The following AGAP1 variants were observed in gnomAD, a reference collection of about 807,000 sequenced individuals.
The protein encoded by AGAP1 is arf-GAP with GTPase, ANK repeat and PH domain-containing protein 1.
AGAP1 carries 29 observed loss-of-function variants against 105.3 expected under a neutral mutation model. The observed-to-expected ratio is 0.28, with a 90% CI of 0.21 to 0.38. The LOEUF (loss-of-function observed/expected upper bound fraction) is 0.38, where lower values mean the gene tolerates loss of function less well. Ranked by LOEUF, AGAP1 falls within the 10% of genes least tolerant of loss-of-function variation. The pLI, the probability that AGAP1 is intolerant of heterozygous loss-of-function variation, is 1.00. For synonymous variants in AGAP1, 509 were observed against 485.9 expected (o/e 1.05, Z -0.63); for missense variants, 998 against 1,165.1 (o/e 0.86, Z 2.09).
At position 235,822,546 on chromosome 2, in the gene AGAP1, T is replaced by C. The variant is rs566861083; in HGVS notation, c.1050+15215T>C. Among the ~76,000 whole-genome samples, 110 of 150,650 alleles carry C rather than the reference T, an allele frequency of 7.3e-4. No individual in the cohort carries two copies. In the Middle Eastern group the frequency reaches 0.032, roughly 43 times the overall value. ...AAGAATGAAGAGAAGCTGAAGAAGC[T>C]CAAGGGTGAGGAGGAGCTGGAGAAG... On this transcript the variant is annotated intron_variant, in intron 9 of 17. Transcript: ENST00000304032.
At chr2:235,572,030 C>T (rs1182006237) in intron 1 of AGAP1, among the ~76,000 whole-genome samples, 1 of 131,274 alleles carries the variant, frequency 7.6e-6, no homozygotes, top group African/African-American at 2.9e-5. Flanking sequence ...TGAAGCAGCT[C>T]GTCTTTATTG....
At position 235,797,803 on chromosome 2, in the gene AGAP1, A is replaced by G. The variant is rs1320276333; in HGVS notation, c.718A>G (p.Ile240Val). 4 of 1,614,100 alleles carry G rather than the reference A, an allele frequency of 2.5e-6. No individual in the cohort carries two copies. The highest frequency in any genetic ancestry group is 2.5e-6 in the Non-Finnish European group (3 of 1,180,050). ...VATRKKQQLSIGPCKSLPNSP... is the reference protein window; with the variant it reads ...VATRKKQQLSVGPCKSLPNSP... The stretch of plus-strand genomic sequence containing the variant: ...CACAAGGAAGAAGCAGCAGCTGTCC[A>G]TAGGACCCTGCAAGTCGCTACCTAA... Residue 240 changes from isoleucine (I) to valine (V), a missense_variant, in exon 7 of 18, where the codon ATA becomes GTA. This residue lies in a region of AGAP1 where 735 missense variants were observed against 833.4 expected (regional missense o/e 0.88). Coordinates refer to ENST00000304032, the MANE Select transcript of AGAP1 (RefSeq NM_001037131.3).
Position 236,061,705 on chromosome 2 carries a change from G to A in AGAP1, c.2114+12424G>A, listed in dbSNP as rs1357940094. Among the ~76,000 whole-genome samples the A allele has an allele frequency of 1.3e-5, 2 of 152,060 alleles. No homozygotes were observed. Among genetic ancestry groups the A allele is most frequent in the South Asian group, 2.1e-4 (1 of 4,798 alleles). On this transcript the variant is annotated intron_variant, in intron 16 of 17. Coordinates refer to ENST00000304032, the MANE Select transcript of AGAP1 (RefSeq NM_001037131.3). The surrounding 1 kb of genome is among the most constrained non-coding windows in gnomAD (Gnocchi z 4.1). The stretch of plus-strand genomic sequence containing the variant: ...CTTGCCAGGTGCAGGGGAGGGAGGG[G>A]CAGTGGCGTATACGGAGTGATTGCC...
intron 10 of AGAP1, among the ~76,000 whole-genome samples, chr2:235,899,464 G>T (rs1415904313): frequency 6.6e-6 from 1 of 152,222 alleles, no homozygotes; most frequent in East Asian, 1.9e-4. Flanking sequence ...AGTGAACCAA[G>T]ATCATGCCAC....
Position 235,953,031 on chromosome 2 carries a change from C to A in AGAP1, c.1484-15431C>A, listed in dbSNP as rs1354481840. Among the ~76,000 whole-genome samples, 1 of 152,140 alleles carries A rather than the reference C, an allele frequency of 6.6e-6. No individual in the cohort carries two copies. The highest frequency in any genetic ancestry group is 2.4e-5 in the African/African-American group (1 of 41,424). On this transcript the variant is annotated intron_variant, in intron 12 of 17. Coordinates refer to ENST00000304032, the MANE Select transcript of AGAP1 (RefSeq NM_001037131.3). The surrounding 1 kb of genome is among the most constrained non-coding windows in gnomAD (Gnocchi z 5.2). ...CTTTCAAGTGGCTGGGCCTTCTGTA[C>A]GAGGCACCTGACACCACGATGCTAT...
intron 1 of AGAP1, among the ~76,000 whole-genome samples, chr2:235,606,822 G>A (rs1169863137): frequency 1.3e-5 from 2 of 151,906 alleles, no homozygotes; most frequent in Non-Finnish European, 1.5e-5. Context: ...GGTGGCGCAC[G>A]CCTGCAGTCC....
rs539340792 is a variant in AGAP1, at chr2:235,714,093, A to G, written c.223-3464A>G. On this transcript the variant is annotated intron_variant, in intron 2 of 17. Coordinates refer to ENST00000304032, the MANE Select transcript of AGAP1 (RefSeq NM_001037131.3). The surrounding 1 kb of genome is among the most constrained non-coding windows in gnomAD (Gnocchi z 4.1). Reference sequence around the variant, plus strand: ...CGGTGGTGCAATCTCAGCTCACTGCAACCTCTGCCTCCCGGGTTCAAGTGA... The same window carrying G: ...CGGTGGTGCAATCTCAGCTCACTGCGACCTCTGCCTCCCGGGTTCAAGTGA... 1.3e-5 allele frequency among the ~76,000 whole-genome samples: 2 copies of G among 152,200 alleles called. No homozygotes were observed. The highest frequency in any genetic ancestry group is 2.4e-5 in the African/African-American group (1 of 41,538).
At chr2:235,796,998 TATTG>T (rs1185619526) in intron 6 of AGAP1, among the ~76,000 whole-genome samples, 15 of 152,344 alleles carry the variant, frequency 9.8e-5, no homozygotes, top group African/African-American at 3.6e-4. Flanking sequence ...TTTAGATTTG[TATTG>T]ATTAAGATAA....
At chr2:235,932,369 A>G (rs1469917295) in intron 12 of AGAP1, among the ~76,000 whole-genome samples, 2 of 152,252 alleles carry the variant, frequency 1.3e-5, no homozygotes, top group African/African-American at 2.4e-5. Flanking sequence ...CTGAAGAACC[A>G]CTGTTAATCA....
intron 9 of AGAP1, among the ~76,000 whole-genome samples, chr2:235,835,292 C>T (rs892066746): frequency 4.6e-5 from 7 of 152,198 alleles, no homozygotes; most frequent in African/African-American, 1.7e-4. Context: ...AGCCTGTACA[C>T]CCCAACCCTG....
At chr2:235,643,063 C>A (rs929466339) in intron 1 of AGAP1, among the ~76,000 whole-genome samples, 1 of 152,138 alleles carries the variant, frequency 6.6e-6, no homozygotes, top group Non-Finnish European at 1.5e-5. Flanking sequence ...CAGCTCCTTC[C>A]CCCTTTTTTC....
intron 1 of AGAP1, among the ~76,000 whole-genome samples, chr2:235,589,153 A>AAGGAGATTT (rs1252710227): frequency 6.7e-6 from 1 of 149,768 alleles, no homozygotes; most frequent in African/African-American, 2.5e-5. Flanking sequence ...GCTGGTAGAA[A>AAGGAGATTT]AGGAGATTTT....
intron 11 of AGAP1, among the ~76,000 whole-genome samples, chr2:235,924,826 C>G (rs2052366987): frequency 6.6e-6 from 1 of 152,220 alleles, no homozygotes; most frequent in Non-Finnish European, 1.5e-5. Context: ...CTGTCCCAGA[C>G]AGCAAACAGA....
intron 1 of AGAP1, among the ~76,000 whole-genome samples, chr2:235,672,856 G>T (rs1047687380): frequency 6.6e-6 from 1 of 152,200 alleles, no homozygotes; most frequent in African/African-American, 2.4e-5. Context: ...ATTGATAGTA[G>T]ATTTGGAGTA....
At chr2:235,584,576 G>A (rs577555010) in intron 1 of AGAP1, among the ~76,000 whole-genome samples, 23 of 151,622 alleles carry the variant, frequency 1.5e-4, no homozygotes, top group Non-Finnish European at 2.9e-4. Context: ...GGCAAAGGTC[G>A]GAGCAAGCTG....
In AGAP1 at chr2:235,615,036, T is replaced by A. The variant is rs984319431; in HGVS notation, c.164-94143T>A. On this transcript the variant is annotated intron_variant, in intron 1 of 17. Coordinates refer to ENST00000304032, the MANE Select transcript of AGAP1 (RefSeq NM_001037131.3). This position sits in a 1 kb window ranked among gnomAD's most constrained non-coding sequence, Gnocchi z 5.0. ...GTGAGTGGTTTTCCTGGCGGTGTGG[T>A]TTTTTAAAATTTCTAATAAAATGCA... Among the ~76,000 whole-genome samples, 2 of 152,148 alleles carry A rather than the reference T, an allele frequency of 1.3e-5. No individual in the cohort carries two copies. The highest frequency in any genetic ancestry group is 6.5e-5 in the Admixed American group (1 of 15,282).
rs913921332 is a variant in AGAP1, at chr2:235,510,608, T to C, written c.163+15759T>C. 3.9e-5 allele frequency among the ~76,000 whole-genome samples: 6 copies of C among 152,280 alleles called. No homozygotes were observed. In the East Asian group the frequency reaches 1.2e-3, roughly 29 times the overall value. ...ATGTGCTGGGTATATAATTAACTTT[T>C]ATGTAAACTGCCTGCTGTTTTCCAA... On this transcript the variant is annotated intron_variant, in intron 1 of 17. Coordinates refer to ENST00000304032, the MANE Select transcript of AGAP1 (RefSeq NM_001037131.3).
In AGAP1 at chr2:235,494,524, G is replaced by C. The variant is rs1941218466; in HGVS notation, c.-163G>C. 1 of 144,682 alleles carries C rather than the reference G, an allele frequency of 6.9e-6. No individual in the cohort carries two copies. Among genetic ancestry groups the C allele is most frequent in the Admixed American group, 6.9e-5 (1 of 14,488 alleles). 9.0% of individuals were successfully genotyped at this position (144,682 alleles called of 1,614,324 possible). A position where few individuals can be genotyped will look rare whatever the true frequency, so the allele number is the denominator to read the frequency against. On this transcript the variant is annotated 5_prime_UTR_variant, in exon 1 of 18. Transcript: ENST00000304032. The stretch of plus-strand genomic sequence containing the variant: ...TGAACTGAGCCCGCGGGCCAGCCCC[G>C]CGCCTGCTCCGCCCGCGCCTTTCTT...
rs999199243 is a variant in AGAP1, at chr2:235,511,099, G to A, written c.163+16250G>A. On this transcript the variant is annotated intron_variant, in intron 1 of 17. Transcript: ENST00000304032. ...TTTGTTACAACTTTGGGGTGTCATGGTTGTTACTGGCACGTGGCAGGTGGA... is the reference window on the plus strand; with the variant it reads ...TTTGTTACAACTTTGGGGTGTCATGATTGTTACTGGCACGTGGCAGGTGGA... Among the ~76,000 whole-genome samples the A allele has an allele frequency of 2.0e-5, 3 of 152,174 alleles. No homozygotes were observed. In the South Asian group the frequency reaches 6.2e-4, roughly 32 times the overall value.
Sources: allele counts gnomAD v4.1 joint callset (sites outside exome capture counted in the v4.1 genomes callset), GRCh38; gene constraint gnomAD v4.1.1; regional missense constraint gnomAD v4.1.1; non-coding constraint Gnocchi (gnomAD v3.1); transcripts MANE v1.5; gene names NCBI Gene and HGNC (gene_info 2026-07-23, HGNC 2026-07-21).